Variants in NSRP1 observed in about 807,000 individuals in gnomAD.
NSRP1 encodes coiled-coil domain containing 55.
Under a neutral mutation model 54.7 loss-of-function variants are expected in NSRP1, and 24 were observed. The observed-to-expected ratio is 0.44, with a 90% CI of 0.32 to 0.62. NSRP1 has a LOEUF of 0.62. Ranked by LOEUF, NSRP1 falls within the 20% of genes least tolerant of loss-of-function variation. NSRP1 has a pLI of 0.06. For synonymous variants in NSRP1, 210 were observed against 213.8 expected (o/e 0.98, Z 0.15); for missense variants, 596 against 651.2 (o/e 0.92, Z 0.92).
At chr17:30,173,525 A>T (rs1905029570) in intron 3 of NSRP1, among the ~76,000 whole-genome samples, 1 of 151,626 alleles carries the variant, frequency 6.6e-6, no homozygotes, top group East Asian at 1.9e-4. Context: ...TTTGTTTTTC[A>T]TTTTGAATTA....
intron 3 of NSRP1, among the ~76,000 whole-genome samples, chr17:30,173,109 G>T (rs1028600488): frequency 2.0e-5 from 3 of 151,906 alleles, no homozygotes; most frequent in Non-Finnish European, 2.9e-5. Context: ...GACTAAAGGC[G>T]CATGCCACCA....
At chr17:30,121,570 GT>G (rs36072997) in intron 2 of NSRP1, among the ~76,000 whole-genome samples, 6,766 of 132,656 alleles carry the variant, frequency 0.051, 232 homozygotes, top group African/African-American at 0.11. Context: ...GTGTGTGTGT[GT>G]TTTTTTTTTT....
At chr17:30,142,329 T>G (rs2071812981) in intron 2 of NSRP1, among the ~76,000 whole-genome samples, 1 of 152,140 alleles carries the variant, frequency 6.6e-6, no homozygotes, top group African/African-American at 2.4e-5. Flanking sequence ...TATTTTATTT[T>G]TTTAGAGACG....
intron 2 of NSRP1, among the ~76,000 whole-genome samples, chr17:30,133,053 C>T (rs1259509547): frequency 1.3e-5 from 2 of 152,100 alleles, no homozygotes; most frequent in Non-Finnish European, 2.9e-5. Context: ...GATCCTCCCA[C>T]CTCAGTCAGC....
chr17:30,168,545 G>A (rs1396649469), intron 2 of NSRP1, among the ~76,000 whole-genome samples: 3 of 149,596 alleles, frequency 2.0e-5, no homozygotes, highest in African/African-American at 7.3e-5. Flanking sequence ...AAACAATCAC[G>A]TTGTGCACAT....
chr17:30,170,722 A>G (rs1166742495), intron 2 of NSRP1, among the ~76,000 whole-genome samples: 5 of 152,132 alleles, frequency 3.3e-5, no homozygotes, highest in African/African-American at 9.7e-5. Flanking sequence ...GGCTATTGCA[A>G]ATAATGCTGC....
chr17:30,174,671 G>A (rs1158380582), intron 3 of NSRP1, among the ~76,000 whole-genome samples: 3 of 152,078 alleles, frequency 2.0e-5, no homozygotes, highest in East Asian at 3.9e-4. Context: ...TAGTTGGAGG[G>A]TTTTGTTGTT....
chr17:30,155,416 T>C (rs1022266475), intron 2 of NSRP1, among the ~76,000 whole-genome samples: 1 of 152,240 alleles, frequency 6.6e-6, no homozygotes, highest in African/African-American at 2.4e-5. Flanking sequence ...ACCTGTTCAA[T>C]ATGATATTTT....
intron 5 of NSRP1, 41 bp downstream of exon 5, chr17:30,179,338 A>G: frequency 6.6e-7 from 1 of 1,523,772 alleles, no homozygotes; most frequent in Non-Finnish European, 8.8e-7. Flanking sequence ...AAACAGTAGC[A>G]GAATCTCTCC....
intron 2 of NSRP1, among the ~76,000 whole-genome samples, chr17:30,149,123 A>G (rs2071883314): frequency 1.3e-5 from 2 of 152,062 alleles, no homozygotes; most frequent in South Asian, 4.2e-4. Flanking sequence ...GATTTGTTTA[A>G]CCTGAAGACT....
At chr17:30,172,014 T>TCTCTCTCTCTCTCTCTCA (rs144705088) in intron 2 of NSRP1, among the ~76,000 whole-genome samples, 4 of 131,056 alleles carry the variant, frequency 3.1e-5, no homozygotes, top group Non-Finnish European at 4.8e-5. Context: ...TCTCTCTCTC[T>TCTCTCTCTCTCTCTCTCA]CACATGTTCA....
chr17:30,178,845 A>C (rs1378273544), intron 4 of NSRP1, among the ~76,000 whole-genome samples: 6 of 152,054 alleles, frequency 3.9e-5, no homozygotes, highest in Non-Finnish European at 7.4e-5. Flanking sequence ...AAAGAAAAAA[A>C]TTATATTTAG....
At chr17:30,129,917 G>T (rs1015681770) in intron 2 of NSRP1, among the ~76,000 whole-genome samples, 1 of 152,138 alleles carries the variant, frequency 6.6e-6, no homozygotes, top group Non-Finnish European at 1.5e-5. Context: ...ATGGTACCGA[G>T]TATATCAAAC....
intron 2 of NSRP1, among the ~76,000 whole-genome samples, chr17:30,137,295 A>G (rs895195891): frequency 1.3e-5 from 2 of 152,050 alleles, no homozygotes; most frequent in Non-Finnish European, 2.9e-5. Flanking sequence ...TATCTCTATA[A>G]TAGAGTCCTT....
At chr17:30,146,013 C>G (rs563146723) in intron 2 of NSRP1, among the ~76,000 whole-genome samples, 1 of 152,118 alleles carries the variant, frequency 6.6e-6, no homozygotes, top group East Asian at 1.9e-4. Context: ...CCATGCCCAG[C>G]TAATTTTTGT....
intron 6 of NSRP1, among the ~76,000 whole-genome samples, chr17:30,183,123 T>TAG: frequency 6.6e-6 from 1 of 151,898 alleles, no homozygotes; most frequent in South Asian, 2.1e-4. Flanking sequence ...GGTAAAGGAT[T>TAG]AGAGGATTTT....
intron 2 of NSRP1, chr17:30,122,351 T>TCATATATATATA (rs2071606566): frequency 2.1e-5 from 1 of 48,314 alleles, no homozygotes; most frequent in East Asian, 8.9e-4. Context: ...AACTCTGGTT[T>TCATATATATATA]CATATATATA....
intron 2 of NSRP1, among the ~76,000 whole-genome samples, chr17:30,154,138 T>C (rs961895118): frequency 1.3e-5 from 2 of 151,540 alleles, no homozygotes; most frequent in Non-Finnish European, 2.9e-5. Flanking sequence ...CTGGGTAACA[T>C]ACTGAGACCC....
At chr17:30,167,937 C>CAT (rs1904795998) in intron 2 of NSRP1, among the ~76,000 whole-genome samples, 1 of 152,196 alleles carries the variant, frequency 6.6e-6, no homozygotes, top group Non-Finnish European at 1.5e-5. Flanking sequence ...TAGATGGAAT[C>CAT]ATACCTCAGC....
Sources: allele counts gnomAD v4.1 joint callset (sites outside exome capture counted in the v4.1 genomes callset), GRCh38; gene constraint gnomAD v4.1.1; transcripts MANE v1.5; gene names NCBI Gene and HGNC (gene_info 2026-07-23, HGNC 2026-07-21).